The following NT5M variants were observed in gnomAD, a reference collection of about 807,000 sequenced individuals.
NT5M encodes the protein 5'(3')-deoxyribonucleotidase, mitochondrial.
NT5M carries 22 observed loss-of-function variants against 22.2 expected under a neutral mutation model. That is an observed-to-expected ratio of 0.99 (90% CI 0.71 to 1.41). NT5M has a LOEUF of 1.41. Among genes scored for constraint, NT5M ranks in the 40% most tolerant of loss-of-function variants. NT5M has a pLI of 0.00. For missense variants in NT5M, 322 were observed against 314.8 expected (o/e 1.02, Z -0.17); for synonymous variants, 167 against 133.0 (o/e 1.26, Z -1.76).
At chr17:17,345,336 C>CTG (rs1406175952) in intron 4 of NT5M, 1 of 926,146 alleles carries the variant, frequency 1.1e-6, no homozygotes. Context: ...GAAGACCCCC[C>CTG]TCCCCAAAAC....
intron 1 of NT5M, 62 bp downstream of exon 1, chr17:17,303,879 C>G (rs749044868): frequency 3.0e-6 from 4 of 1,316,618 alleles, no homozygotes; most frequent in Non-Finnish European, 3.9e-6. Context: ...CAGACACCGC[C>G]CCTGCGCCGG....
rs527962313 is a variant in NT5M, at chr17:17,307,206, A to G, written c.368+563A>G. 1.3e-4 allele frequency among the ~76,000 whole-genome samples: 20 copies of G among 152,314 alleles called. No homozygotes were observed. In the South Asian group the frequency reaches 3.7e-3, roughly 28 times the overall value. ...AGAGCGAAACTCCATCTCAAAGCTC[A>G]TTTATTCAGCAAATATCTCAGAACT... On this transcript the variant is annotated intron_variant, in intron 2 of 4. Transcript: ENST00000389022.
At chr17:17,330,172 C>T (rs987152653) in intron 3 of NT5M, among the ~76,000 whole-genome samples, 8 of 150,102 alleles carry the variant, frequency 5.3e-5, no homozygotes, top group East Asian at 2.0e-4. Flanking sequence ...TTGTGGCGGG[C>T]GCCTGTAGTC....
intron 1 of NT5M, among the ~76,000 whole-genome samples, chr17:17,305,343 A>G (rs2048772218): frequency 6.8e-6 from 1 of 147,026 alleles, no homozygotes; most frequent in Admixed American, 6.9e-5. Context: ...GCTGCTGTGG[A>G]CATCCCTGGG....
In NT5M at chr17:17,308,209, T is replaced by C. The variant is rs528319905; in HGVS notation, c.368+1566T>C. ...TGTTCTGGTGAAATGAGTAGTTTTATGGACTGAAGCCCCCACTCAGTGACC... is the reference window on the plus strand; with the variant it reads ...TGTTCTGGTGAAATGAGTAGTTTTACGGACTGAAGCCCCCACTCAGTGACC... On this transcript the variant is annotated intron_variant, in intron 2 of 4. Transcript: ENST00000389022. Among the ~76,000 whole-genome samples the C allele has an allele frequency of 2.6e-4, 39 of 152,368 alleles. No homozygotes were observed. In the South Asian group the frequency reaches 7.2e-3, roughly 28 times the overall value.
chr17:17,303,654 C>T lies in NT5M; in HGVS notation c.104C>T (p.Ala35Val). Residue 35 changes from alanine (A) to valine (V), a missense_variant, in exon 1 of 5, where the codon GCC (alanine) becomes GTC (valine). Ala to Val is a moderately conservative substitution (Grantham distance 64). Coordinates refer to ENST00000389022, the MANE Select transcript of NT5M (RefSeq NM_020201.4). ...GGGCTGGGCCTGGCGGGAGGCCGCG[C>T]CCTACGGGTGCTGGTGGACATGGAC... ...AGGLGLAGGR[A>V]LRVLVDMDGV... The T allele has an allele frequency of 6.5e-7, 1 of 1,527,502 alleles. No homozygotes were observed. Among genetic ancestry groups the T allele is most frequent in the Non-Finnish European group, 8.8e-7 (1 of 1,136,766 alleles). The allele number at this position is 1,527,502 out of a possible 1,614,324, so 94.6% of individuals were successfully genotyped here.
At chr17:17,346,502 A>T (rs2049761296) in intron 4 of NT5M, among the ~76,000 whole-genome samples, 1 of 152,006 alleles carries the variant, frequency 6.6e-6, no homozygotes, top group Non-Finnish European at 1.5e-5. Flanking sequence ...AAGTCGGGGG[A>T]ACACCATGTG....
intron 3 of NT5M, among the ~76,000 whole-genome samples, chr17:17,328,290 T>C (rs909517489): frequency 6.6e-6 from 1 of 151,998 alleles, no homozygotes; most frequent in South Asian, 2.1e-4. Context: ...GGGAGCGGGG[T>C]TGGGCCAGGT....
Position 17,303,625 on chromosome 17 carries a change from G to T in NT5M, c.75G>T (p.Ala25=), listed in dbSNP as rs758370074. ...TTCCCGCGGGGCGGCGCGGGGCGGC[G>T]GGCGGGCTGGGCCTGGCGGGAGGCC... ...AAVPAGRRGA[A]GGLGLAGGRA... The change falls in exon 1 of 5, where the codon GCG becomes GCT. Residue 25 remains alanine (A), a synonymous_variant. Coordinates refer to ENST00000389022, the MANE Select transcript of NT5M (RefSeq NM_020201.4). The T allele has an allele frequency of 7.6e-7, 1 of 1,317,130 alleles. No homozygotes were observed. The highest frequency in any genetic ancestry group is 9.7e-7 in the Non-Finnish European group (1 of 1,026,804). 81.6% of individuals were successfully genotyped at this position (1,317,130 alleles called of 1,614,324 possible).
intron 2 of NT5M, among the ~76,000 whole-genome samples, chr17:17,315,261 TA>T (rs2048999493): frequency 6.6e-6 from 1 of 152,208 alleles, no homozygotes; most frequent in Admixed American, 6.5e-5. Flanking sequence ...ATGGGTTCAT[TA>T]AACAGATACA....
chr17:17,328,037 A>G (rs1487902087), intron 3 of NT5M, among the ~76,000 whole-genome samples: 16 of 152,212 alleles, frequency 1.1e-4, no homozygotes, highest in African/African-American at 3.9e-4. Flanking sequence ...CAAGAAATAC[A>G]ATTCCTGGGT....
rs185381230 is a variant in NT5M at position 17,329,355 on chromosome 17, G to A, written c.429+6110G>A. Among the ~76,000 whole-genome samples the A allele has an allele frequency of 3.5e-4, 53 of 152,296 alleles. 1 individual carries two copies. Among genetic ancestry groups the A allele is most frequent in the Admixed American group, 2.5e-3 (38 of 15,284 alleles). Reference sequence around the variant, plus strand: ...CAGACAGTTGAAGCTGAGGGTTAGCGGCCAGAAAGTGGGGAGTCAGACTTC... The same window carrying A: ...CAGACAGTTGAAGCTGAGGGTTAGCAGCCAGAAAGTGGGGAGTCAGACTTC... On this transcript the variant is annotated intron_variant, in intron 3 of 4. Coordinates refer to ENST00000389022, the MANE Select transcript of NT5M (RefSeq NM_020201.4).
At chr17:17,338,902 A>T (rs924294615) in intron 3 of NT5M, among the ~76,000 whole-genome samples, 3 of 150,620 alleles carry the variant, frequency 2.0e-5, no homozygotes, top group Non-Finnish European at 4.4e-5. Flanking sequence ...AATTTTTTGT[A>T]TTTTTTAGTA....
intron 2 of NT5M, among the ~76,000 whole-genome samples, chr17:17,320,468 T>C (rs1322704640): frequency 6.6e-6 from 1 of 151,858 alleles, no homozygotes; most frequent in East Asian, 1.9e-4. Context: ...GTAGGAAAAA[T>C]AGGTGATTTT....
intron 2 of NT5M, among the ~76,000 whole-genome samples, chr17:17,308,600 A>C (rs1045715378): frequency 6.6e-6 from 1 of 152,130 alleles, no homozygotes; most frequent in Non-Finnish European, 1.5e-5. Flanking sequence ...TCAAAAAAAA[A>C]AAGAGACATA....
intron 2 of NT5M, among the ~76,000 whole-genome samples, chr17:17,321,090 T>G (rs1254249825): frequency 1.3e-5 from 2 of 151,994 alleles, no homozygotes; most frequent in Non-Finnish European, 2.9e-5. Flanking sequence ...GCTGTGTGTG[T>G]ATATATCTAA....
At chr17:17,333,186 ATTGAG>A (rs1453151137) in intron 3 of NT5M, among the ~76,000 whole-genome samples, 4 of 152,184 alleles carry the variant, frequency 2.6e-5, no homozygotes, top group Non-Finnish European at 5.9e-5. Flanking sequence ...CTCGTTTCTC[ATTGAG>A]TTGTTTGTGA....
intron 3 of NT5M, among the ~76,000 whole-genome samples, chr17:17,338,607 GT>G (rs1235926914): frequency 7.2e-6 from 1 of 139,452 alleles, no homozygotes; most frequent in Non-Finnish European, 1.5e-5. Flanking sequence ...GATTTTTCCA[GT>G]TTTGTTCCTT....
At chr17:17,343,269 G>GCA (rs145004906) in intron 3 of NT5M, among the ~76,000 whole-genome samples, 2 of 152,144 alleles carry the variant, frequency 1.3e-5, no homozygotes, top group Non-Finnish European at 2.9e-5. Flanking sequence ...ATGTGTGTGT[G>GCA]CACACACGTG....
Sources: gnomAD v4.1 joint callset for allele counts (sites outside exome capture counted in the v4.1 genomes callset) on GRCh38, gnomAD v4.1.1 for gene constraint, MANE v1.5 for transcripts, NCBI Gene and HGNC (gene_info 2026-07-23, HGNC 2026-07-21) for gene names.